PCDH15: variants seen among roughly 807,000 people sequenced by gnomAD.
PCDH15 encodes the protein protocadherin-15.
In PCDH15, 129 loss-of-function variants were observed where a neutral mutation model predicts 178.5. The ratio of observed to expected loss-of-function variants is 0.72; its 90% CI spans 0.63 to 0.84. The LOEUF (loss-of-function observed/expected upper bound fraction) is 0.84, where lower values mean the gene tolerates loss of function less well. Among genes scored for constraint, PCDH15 ranks in the 40% least tolerant of loss-of-function variants. PCDH15 has a pLI of 0.00. For synonymous variants in PCDH15, 800 were observed against 732.0 expected (o/e 1.09, Z -1.50); for missense variants, 2,230 against 2,099.9 (o/e 1.06, Z -1.21).
intron 2 of PCDH15, among the ~76,000 whole-genome samples, chr10:54,920,186 C>A (rs149369570): frequency 6.6e-6 from 1 of 152,054 alleles, no homozygotes; most frequent in Non-Finnish European, 1.5e-5. Flanking sequence ...ACAAAAATTT[C>A]TCGGCCGGGA....
At chr10:55,046,804 G>A (rs1270379770) in intron 2 of PCDH15, among the ~76,000 whole-genome samples, 1 of 151,876 alleles carries the variant, frequency 6.6e-6, no homozygotes, top group Non-Finnish European at 1.5e-5. Context: ...CTTTCACACA[G>A]TTTTATCACA....
At chr10:55,432,795 A>G (rs200748328) in intron 2 of PCDH15, among the ~76,000 whole-genome samples, 223 of 131,410 alleles carry the variant, frequency 1.7e-3, no homozygotes, top group African/African-American at 5.9e-3. Context: ...ATATATATAT[A>G]TTTTATTTTT....
At chr10:55,519,534 T>C (rs1009468677) in intron 2 of PCDH15, among the ~76,000 whole-genome samples, 1 of 152,074 alleles carries the variant, frequency 6.6e-6, no homozygotes, top group Admixed American at 6.6e-5. Context: ...GATATTCTAC[T>C]ACAGTTCTGT....
At chr10:53,858,585 T>G (rs146158754) in intron 27 of PCDH15, among the ~76,000 whole-genome samples, 2 of 152,316 alleles carry the variant, frequency 1.3e-5, no homozygotes, top group African/African-American at 4.8e-5. Context: ...GTTAGAAATC[T>G]ATCAAACCAT....
At chr10:53,849,597 G>A (rs1032731002) in intron 28 of PCDH15, among the ~76,000 whole-genome samples, 12 of 152,096 alleles carry the variant, frequency 7.9e-5, no homozygotes, top group Non-Finnish European at 1.6e-4. Context: ...GGACGCGGTG[G>A]CTCATGCCTG....
intron 9 of PCDH15, among the ~76,000 whole-genome samples, chr10:54,236,030 C>T (rs900916214): frequency 6.6e-6 from 1 of 152,162 alleles, no homozygotes. Context: ...TTTGTATATG[C>T]ACATAGGCTT....
chr10:55,548,831 AG>A (rs1214394689), intron 2 of PCDH15, among the ~76,000 whole-genome samples: 9 of 152,142 alleles, frequency 5.9e-5, no homozygotes, highest in African/African-American at 1.9e-4. Flanking sequence ...TCAGGAAGTA[AG>A]GGTTGAAGAA....
chr10:54,975,009 C>A (rs1839033262), intron 2 of PCDH15, among the ~76,000 whole-genome samples: 1 of 152,128 alleles, frequency 6.6e-6, no homozygotes, highest in South Asian at 2.1e-4. Flanking sequence ...AAGCAAAACA[C>A]ACATCTTCTC....
chr10:53,917,651 C>T (rs1040848960), intron 25 of PCDH15, among the ~76,000 whole-genome samples: 3 of 151,936 alleles, frequency 2.0e-5, no homozygotes, highest in Admixed American at 6.6e-5. Context: ...TTTCTTGAGA[C>T]TATAAAGGAG....
At chr10:54,698,309 A>G (rs1236947392) in intron 1 of PCDH15, among the ~76,000 whole-genome samples, 3 of 152,150 alleles carry the variant, frequency 2.0e-5, no homozygotes, top group Non-Finnish European at 4.4e-5. Flanking sequence ...ACAATCACTC[A>G]CAGATACAGT....
At chr10:54,667,908 T>C (rs1210133471) in intron 1 of PCDH15, among the ~76,000 whole-genome samples, 5 of 152,100 alleles carry the variant, frequency 3.3e-5, no homozygotes, top group Non-Finnish European at 7.4e-5. Context: ...GTTGTCAAAA[T>C]ACTGGGGAAA....
At chr10:55,128,337 T>G (rs1170730835) in intron 2 of PCDH15, among the ~76,000 whole-genome samples, 1 of 151,790 alleles carries the variant, frequency 6.6e-6, no homozygotes, top group Non-Finnish European at 1.5e-5. Flanking sequence ...GGTCTTACTC[T>G]CTTACTTGAT....
chr10:55,361,092 C>T (rs931835737), intron 2 of PCDH15, among the ~76,000 whole-genome samples: 3 of 151,800 alleles, frequency 2.0e-5, no homozygotes, highest in Non-Finnish European at 2.9e-5. Flanking sequence ...ATAAGCCACT[C>T]ACAAAAGAGT....
In PCDH15 at chr10:55,014,632, T is replaced by C. The variant is rs925993324; in HGVS notation, c.-79-117132A>G. The stretch of plus-strand genomic sequence containing the variant: ...ATATTCATTTTGCTACAAGCTACAA[T>C]GCAAAACGTATAGTCTTGTCTTTCT... On this transcript the variant is annotated intron_variant, in intron 2 of 5. Coordinates refer to the PCDH15 transcript ENST00000458638. 2.6e-5 allele frequency among the ~76,000 whole-genome samples: 4 copies of C among 152,272 alleles called. No homozygotes were observed. The East Asian group carries it at 7.7e-4, about 29-fold the overall frequency.
intron 15 of PCDH15, among the ~76,000 whole-genome samples, chr10:54,115,154 T>C (rs7904666): frequency 0.029 from 4,449 of 152,084 alleles, 240 homozygotes; most frequent in African/African-American, 0.1. Context: ...ATCATGTAAA[T>C]ATCTTTGGAC....
chr10:54,829,802 T>C (rs1257648644), intron 3 of PCDH15, among the ~76,000 whole-genome samples: 1 of 152,118 alleles, frequency 6.6e-6, no homozygotes, highest in Non-Finnish European at 1.5e-5. Context: ...GCTTTTATTC[T>C]CAAAAGCATG....
chr10:54,043,507 C>T (rs563946023), intron 18 of PCDH15, among the ~76,000 whole-genome samples: 1 of 152,168 alleles, frequency 6.6e-6, no homozygotes, highest in South Asian at 2.1e-4. Flanking sequence ...GATCCTCTCA[C>T]CTCCTGAATA....
At chr10:54,537,476 A>G (rs899629264) in intron 2 of PCDH15, among the ~76,000 whole-genome samples, 1 of 152,176 alleles carries the variant, frequency 6.6e-6, no homozygotes, top group Admixed American at 6.5e-5. Flanking sequence ...AGGAACAAAG[A>G]AAACTATAGG....
chr10:55,471,689 T>A (rs1042593032), intron 2 of PCDH15, among the ~76,000 whole-genome samples: 9 of 152,170 alleles, frequency 5.9e-5, no homozygotes, highest in Non-Finnish European at 1.3e-4. Context: ...GGAAAACAGA[T>A]TATTTTTTCC....
Sources: allele counts gnomAD v4.1 joint callset (sites outside exome capture counted in the v4.1 genomes callset), GRCh38; gene constraint gnomAD v4.1.1; transcripts MANE v1.5; gene names NCBI Gene and HGNC (gene_info 2026-07-23, HGNC 2026-07-21).